Variants in DLGAP2 observed in about 807,000 individuals in gnomAD.
DLGAP2 encodes the protein DLG associated protein 2.
DLGAP2 carries 26 observed loss-of-function variants against 100.3 expected under a neutral mutation model. That is an observed-to-expected ratio of 0.26 (90% CI 0.19 to 0.36). The LOEUF is 0.36. Among genes scored for constraint, DLGAP2 ranks in the 10% least tolerant of loss-of-function variants. The probability of loss-of-function intolerance (pLI) is 1.00; values close to 1 mark genes in which losing one functional copy is unlikely to be tolerated. For missense variants in DLGAP2, 1,858 were observed against 1,453.2 expected, an observed-to-expected ratio of 1.28 and a Z score of -4.53; for synonymous variants, 886 against 630.1, an observed-to-expected ratio of 1.41 and a Z score of -6.08.
At chr8:1,009,321 C>T (rs1801210790) in intron 2 of DLGAP2, among the ~76,000 whole-genome samples, 1 of 152,180 alleles carries the variant, frequency 6.6e-6, no homozygotes, top group Non-Finnish European at 1.5e-5. Context: ...TTTATTAGAA[C>T]ATTTCATAGA....
chr8:1,189,898 C>G (rs142273890), intron 2 of DLGAP2, among the ~76,000 whole-genome samples: 22 of 152,284 alleles, frequency 1.4e-4, no homozygotes, highest in Non-Finnish European at 2.6e-4. Context: ...GGGAGGGTAA[C>G]TCACGGCTTT....
At chr8:1,130,602 C>T (rs1035328726) in intron 2 of DLGAP2, among the ~76,000 whole-genome samples, 4 of 152,196 alleles carry the variant, frequency 2.6e-5, no homozygotes, top group Non-Finnish European at 5.9e-5. Flanking sequence ...CAAGGAGACA[C>T]CCCCCTGGGT....
chr8:1,517,484 GCCTCGTTT>G (rs1800434783), intron 4 of DLGAP2, among the ~76,000 whole-genome samples: 1 of 152,114 alleles, frequency 6.6e-6, no homozygotes, highest in Admixed American at 6.5e-5. Context: ...TCCCACCCTG[GCCTCGTTT>G]CCTCCACCGA....
At chr8:1,338,366 A>G (rs915128923) in intron 3 of DLGAP2, among the ~76,000 whole-genome samples, 1 of 152,218 alleles carries the variant, frequency 6.6e-6, no homozygotes, top group Admixed American at 6.5e-5. Flanking sequence ...TGCAAATATT[A>G]TGTGAAATGA....
At chr8:1,012,969 T>C (rs1262156055) in intron 2 of DLGAP2, among the ~76,000 whole-genome samples, 1 of 152,098 alleles carries the variant, frequency 6.6e-6, no homozygotes, top group East Asian at 1.9e-4. Context: ...CCTGCCAGTG[T>C]GGCTTCAGTT....
chr8:1,438,469 G>A (rs1173548267), intron 3 of DLGAP2, among the ~76,000 whole-genome samples: 1 of 151,846 alleles, frequency 6.6e-6, no homozygotes, highest in African/African-American at 2.4e-5. Context: ...AAGGCCCAAA[G>A]AGCTGTGGCT....
chr8:999,313 C>G (rs966685034), intron 2 of DLGAP2, among the ~76,000 whole-genome samples: 1 of 151,800 alleles, frequency 6.6e-6, no homozygotes, highest in African/African-American at 2.4e-5. Flanking sequence ...GTGTATTCCC[C>G]TTTCCATCTC....
intron 3 of DLGAP2, among the ~76,000 whole-genome samples, chr8:1,497,154 C>G (rs897617795): frequency 6.6e-6 from 1 of 152,160 alleles, no homozygotes; most frequent in Non-Finnish European, 1.5e-5. Flanking sequence ...AAGACTGTTT[C>G]TCCAGTGAAG....
chr8:1,586,182 C>G (rs1007410665), intron 6 of DLGAP2, among the ~76,000 whole-genome samples: 25 of 152,228 alleles, frequency 1.6e-4, no homozygotes, highest in Admixed American at 1.5e-3. Context: ...CCTTCCGGGT[C>G]TCTCTGGGCT....
intron 12 of DLGAP2, among the ~76,000 whole-genome samples, chr8:1,689,439 T>G (rs1039161632): frequency 9.2e-5 from 14 of 152,150 alleles, no homozygotes; most frequent in African/African-American, 3.1e-4. Context: ...CTCTCGCCTC[T>G]GCGTTCAAGG....
chr8:986,101 G>A (rs1033465764), intron 2 of DLGAP2, among the ~76,000 whole-genome samples: 7 of 152,146 alleles, frequency 4.6e-5, no homozygotes, highest in Non-Finnish European at 8.8e-5. Flanking sequence ...TTAGGGGGGA[G>A]TATGGCTGGT....
At chr8:1,502,011 A>G (rs927846454) in intron 4 of DLGAP2, among the ~76,000 whole-genome samples, 1 of 152,254 alleles carries the variant, frequency 6.6e-6, no homozygotes, top group Non-Finnish European at 1.5e-5. Flanking sequence ...ACATGGAGCT[A>G]TGCTTACAAG....
chr8:764,441 G>A (rs1821160610), intron 1 of DLGAP2, among the ~76,000 whole-genome samples: 1 of 151,802 alleles, frequency 6.6e-6, no homozygotes, highest in Non-Finnish European at 1.5e-5. Context: ...TTGTCACTTC[G>A]CTGTTTAAAA....
chr8:749,202 T>C (rs1820727765), intron 1 of DLGAP2, among the ~76,000 whole-genome samples: 2 of 152,286 alleles, frequency 1.3e-5, no homozygotes, highest in Middle Eastern at 3.4e-3. Context: ...TATTGCCCAG[T>C]CTGGTCTCAA....
At chr8:1,126,189 A>C (rs1463443578) in intron 2 of DLGAP2, among the ~76,000 whole-genome samples, 1 of 152,218 alleles carries the variant, frequency 6.6e-6, no homozygotes, top group Non-Finnish European at 1.5e-5. Flanking sequence ...TCCACCTGCG[A>C]GGCTTTGGCA....
intron 2 of DLGAP2, among the ~76,000 whole-genome samples, chr8:1,006,347 C>A (rs1294879058): frequency 1.3e-5 from 2 of 152,040 alleles, no homozygotes; most frequent in African/African-American, 4.8e-5. Context: ...CAGGGGTGCC[C>A]TGCGTCTCAA....
At chr8:848,089 T>C (rs1313170975) in intron 1 of DLGAP2, among the ~76,000 whole-genome samples, 1 of 152,216 alleles carries the variant, frequency 6.6e-6, no homozygotes, top group African/African-American at 2.4e-5. Context: ...GGCACCTGCC[T>C]GCCTGTTCTC....
At chr8:1,160,261 C>G (rs1796864584) in intron 2 of DLGAP2, among the ~76,000 whole-genome samples, 1 of 152,134 alleles carries the variant, frequency 6.6e-6, no homozygotes, top group Admixed American at 6.5e-5. Context: ...GGCATGGAAC[C>G]ACGGCTTTGA....
chr8:1,515,910 G>T (rs936578309), intron 4 of DLGAP2, among the ~76,000 whole-genome samples: 1 of 152,232 alleles, frequency 6.6e-6, no homozygotes, highest in African/African-American at 2.4e-5. Flanking sequence ...ACAATGTGCA[G>T]TTCCCTTAAT....
Sources: gnomAD v4.1 joint callset for allele counts (sites outside exome capture counted in the v4.1 genomes callset) on GRCh38, gnomAD v4.1.1 for gene constraint, MANE v1.5 for transcripts, NCBI Gene and HGNC (gene_info 2026-07-23, HGNC 2026-07-21) for gene names.